Variants in CDKAL1 observed in about 807,000 individuals in gnomAD.
CDKAL1 encodes the protein threonylcarbamoyladenosine tRNA methylthiotransferase.
A neutral mutation model predicts 68.2 loss-of-function variants in CDKAL1; 32 were observed. That is an observed-to-expected ratio of 0.47 (90% CI 0.35 to 0.63). The LOEUF (loss-of-function observed/expected upper bound fraction) is 0.63. Among genes scored for constraint, CDKAL1 ranks in the 30% least tolerant of loss-of-function variants. The probability of loss-of-function intolerance (pLI) is 0.00; values close to 1 mark genes in which losing one functional copy is unlikely to be tolerated. For missense variants in CDKAL1, 606 were observed against 696.7 expected, an observed-to-expected ratio of 0.87 and a Z score of 1.47; for synonymous variants, 234 against 244.3, an observed-to-expected ratio of 0.96 and a Z score of 0.39.
At chr6:21,179,182 A>G (rs1777696691) in intron 13 of CDKAL1, among the ~76,000 whole-genome samples, 1 of 152,212 alleles carries the variant, frequency 6.6e-6, no homozygotes, top group Admixed American at 6.5e-5. Flanking sequence ...TTTGCAAAGA[A>G]AGTCCCAGGT....
intron 9 of CDKAL1, among the ~76,000 whole-genome samples, chr6:20,918,265 A>G (rs1301227120): frequency 6.6e-6 from 1 of 152,248 alleles, no homozygotes; most frequent in Non-Finnish European, 1.5e-5. Flanking sequence ...CAGAATTGTA[A>G]GCAATAAATT....
At chr6:20,774,130 T>G (rs1468532963) in intron 7 of CDKAL1, among the ~76,000 whole-genome samples, 1 of 152,096 alleles carries the variant, frequency 6.6e-6, no homozygotes, top group African/African-American at 2.4e-5. Context: ...AAGAAAACAG[T>G]GAATGGCCTT....
intron 6 of CDKAL1, among the ~76,000 whole-genome samples, chr6:20,742,020 G>A (rs997083279): frequency 2.0e-5 from 3 of 152,094 alleles, no homozygotes; most frequent in East Asian, 1.9e-4. Flanking sequence ...GCATGAGGTA[G>A]TATCTCATTG....
At chr6:21,064,929 C>T (rs1050448867) in intron 11 of CDKAL1, 119 bp from the exon 12 acceptor site, 36 of 604,586 alleles carry the variant, frequency 6.0e-5, no homozygotes, top group South Asian at 1.0e-4. Context: ...ACTATTTGCA[C>T]GTGTGCTTTT....
Position 20,568,113 on chromosome 6 carries a change from G to A in CDKAL1, c.286+19408G>A, listed in dbSNP as rs576676601. On this transcript the variant is annotated intron_variant, in intron 4 of 15. Transcript: ENST00000274695. ...AGGATGGTCTCCGTCTCCTGACCTC[G>A]TGATCCGCCTGCCTCTGCCTCCCAA... is the stretch of plus-strand genomic sequence containing the variant. Among the ~76,000 whole-genome samples the A allele has an allele frequency of 1.5e-3, 230 of 152,066 alleles. 1 individual carries two copies. The highest frequency in any genetic ancestry group is 5.3e-3 in the African/African-American group (219 of 41,536).
At position 21,052,609 on chromosome 6, in the gene CDKAL1, G is replaced by A. The variant is rs569947619; in HGVS notation, c.1056-12439G>A. Among the ~76,000 whole-genome samples, 5 of 143,772 alleles carry A rather than the reference G, an allele frequency of 3.5e-5. No individual in the cohort carries two copies. The South Asian group carries it at 1.2e-3, about 34-fold the overall frequency. The allele number at this position is 143,772 out of a possible 152,430, so 94.3% of individuals were successfully genotyped here. A position where few individuals can be genotyped will look rare whatever the true frequency, so the allele number is the denominator to read the frequency against. ...GCTGGCCATGAACTCCTGGCTTCAA[G>A]TGATCCTCTTTCCTTGGCCTCCGAA... is the stretch of plus-strand genomic sequence containing the variant. On this transcript the variant is annotated intron_variant, in intron 11 of 15. Coordinates refer to ENST00000274695, the MANE Select transcript of CDKAL1 (RefSeq NM_017774.3).
At chr6:21,055,621 G>A (rs1161144756) in intron 11 of CDKAL1, among the ~76,000 whole-genome samples, 1 of 152,158 alleles carries the variant, frequency 6.6e-6, no homozygotes, top group Non-Finnish European at 1.5e-5. Flanking sequence ...AACATGTGGT[G>A]TTTAGTTTTC....
intron 13 of CDKAL1, among the ~76,000 whole-genome samples, chr6:21,155,151 A>C (rs1776587903): frequency 6.6e-6 from 1 of 152,232 alleles, no homozygotes; most frequent in Non-Finnish European, 1.5e-5. Context: ...TCAGTTGTAA[A>C]AAATTTTATA....
intron 9 of CDKAL1, among the ~76,000 whole-genome samples, chr6:20,947,262 A>C (rs1463662819): frequency 1.7e-4 from 26 of 152,214 alleles, no homozygotes; most frequent in Admixed American, 1.5e-3. Flanking sequence ...GTCACATCCC[A>C]GTAAACCCAT....
In CDKAL1 at chr6:21,086,582, G is replaced by A. The variant is rs1182726034; in HGVS notation, c.1236+21354G>A. Among the ~76,000 whole-genome samples the A allele has an allele frequency of 2.0e-5, 3 of 152,204 alleles. No individual in the cohort carries two copies. The South Asian group carries it at 6.2e-4, about 32-fold the overall frequency. On this transcript the variant is annotated intron_variant, in intron 12 of 15. Coordinates refer to ENST00000274695, the MANE Select transcript of CDKAL1 (RefSeq NM_017774.3). ...GTCCTGGCTGTTAAAAGGGGCATCT[G>A]TAGATGTTTAGGGTCAGAGTCTGGC...
rs1763300471 is a variant in CDKAL1, at chr6:20,539,375, CG to C, written c.-6+3982del. 6.6e-6 allele frequency among the ~76,000 whole-genome samples: 1 copy of C among 152,004 alleles called. No individual in the cohort carries two copies. Among genetic ancestry groups the C allele is most frequent in the Admixed American group, 6.6e-5 (1 of 15,262 alleles). ...CCTCACACGAAAACCTTTACCCTCA[CG>C]AAGTATGTATTCTAGTAAGATAAAC... On this transcript the variant is annotated intron_variant, in intron 2 of 15. Coordinates refer to ENST00000274695, the MANE Select transcript of CDKAL1 (RefSeq NM_017774.3). This position sits in a 1 kb window ranked among gnomAD's most constrained non-coding sequence, Gnocchi z 4.3.
At chr6:20,929,329 A>T (rs769266695) in intron 9 of CDKAL1, among the ~76,000 whole-genome samples, 4 of 152,198 alleles carry the variant, frequency 2.6e-5, no homozygotes, top group Non-Finnish European at 5.9e-5. Context: ...CTGGTAATAA[A>T]GATTAACCTT....
intron 13 of CDKAL1, among the ~76,000 whole-genome samples, chr6:21,173,298 G>C (rs185762149): frequency 6.6e-6 from 1 of 152,066 alleles, no homozygotes; most frequent in Admixed American, 6.5e-5. Flanking sequence ...AGTTGAATGT[G>C]GTGTTTGTTT....
In CDKAL1 at chr6:21,185,661, G is replaced by A. The variant is rs1245153676; in HGVS notation, c.1300-12360G>A. On this transcript the variant is annotated intron_variant, in intron 13 of 15. Coordinates refer to ENST00000274695, the MANE Select transcript of CDKAL1 (RefSeq NM_017774.3). ...TATGTGTGTGTGCGTGCCTGTGTGT[G>A]CACATAGCAAATTACTGGTTGCAAT... Among the ~76,000 whole-genome samples, 4 of 152,124 alleles carry A rather than the reference G, an allele frequency of 2.6e-5. 1 individual carries two copies. The highest frequency in any genetic ancestry group is 2.6e-4 in the Admixed American group (4 of 15,274).
At chr6:20,654,578 C>T (rs1435247878) in intron 5 of CDKAL1, among the ~76,000 whole-genome samples, 1 of 151,932 alleles carries the variant, frequency 6.6e-6, no homozygotes, top group African/African-American at 2.4e-5. Context: ...ATGGTTTTAC[C>T]TTTTACATTT....
intron 4 of CDKAL1, among the ~76,000 whole-genome samples, chr6:20,637,258 AG>A (rs1247871524): frequency 1.3e-5 from 2 of 151,864 alleles, no homozygotes; most frequent in Admixed American, 1.3e-4. Flanking sequence ...TTGATAATGA[AG>A]GGGGAGTAAA....
chr6:21,094,796 G>C (rs948032294), intron 12 of CDKAL1, among the ~76,000 whole-genome samples: 2 of 152,142 alleles, frequency 1.3e-5, no homozygotes, highest in Admixed American at 1.3e-4. Flanking sequence ...ATGAATGAAT[G>C]CTTATTAAAA....
chr6:21,099,429 A>AT (rs1173056835), intron 12 of CDKAL1, among the ~76,000 whole-genome samples: 143 of 151,662 alleles, frequency 9.4e-4, no homozygotes, highest in Admixed American at 2.2e-3. Context: ...TGTGCTTTTT[A>AT]TTTTTCTTTT....
intron 13 of CDKAL1, among the ~76,000 whole-genome samples, chr6:21,158,720 AACTT>A (rs1352651207): frequency 3.3e-5 from 5 of 152,226 alleles, no homozygotes; most frequent in South Asian, 4.1e-4. Flanking sequence ...TAAGTCTAGA[AACTT>A]AATGTGAATT....
Sources: gnomAD v4.1 joint callset for allele counts (sites outside exome capture counted in the v4.1 genomes callset) on GRCh38, gnomAD v4.1.1 for gene constraint, Gnocchi (gnomAD v3.1) non-coding constraint, MANE v1.5 for transcripts, NCBI Gene and HGNC (gene_info 2026-07-23, HGNC 2026-07-21) for gene names.